The following CCL28 variants were observed in gnomAD, a reference collection of about 807,000 sequenced individuals.
The protein encoded by CCL28 is C-C motif chemokine ligand 28, also known as C-C motif chemokine 28.
CCL28 carries 4 observed loss-of-function variants against 7.1 expected under a neutral mutation model. That is an observed-to-expected ratio of 0.56 (90% CI 0.28 to 1.29). The LOEUF is 1.29. Ranked by LOEUF, CCL28 falls within the 50% of genes most tolerant of loss-of-function variation. CCL28 has a pLI of 0.11. For missense variants in CCL28, 151 were observed against 163.4 expected (o/e 0.92, Z 0.41); for synonymous variants, 55 against 57.8 (o/e 0.95, Z 0.22).
the CCL28 span, among the ~76,000 whole-genome samples, chr5:43,367,917 C>T: frequency 6.6e-6 from 1 of 152,208 alleles, no homozygotes; most frequent in African/African-American, 2.4e-5. Context: ...TGATATTTCC[C>T]ATACAAATCT....
the CCL28 span, among the ~76,000 whole-genome samples, chr5:43,357,913 C>T: frequency 2.6e-5 from 4 of 152,202 alleles, no homozygotes; most frequent in Non-Finnish European, 5.9e-5. Context: ...CCACCTCCAC[C>T]CAGGGCCCAA....
At chr5:43,408,907 T>TG (rs397816139) in intron 1 of CCL28, among the ~76,000 whole-genome samples, 4 of 151,104 alleles carry the variant, frequency 2.6e-5, no homozygotes, top group African/African-American at 9.7e-5. Context: ...TTTTTTTTTT[T>TG]GAAATGAGAG....
At chr5:43,357,534 G>A in the CCL28 span, among the ~76,000 whole-genome samples, 1 of 152,190 alleles carries the variant, frequency 6.6e-6, no homozygotes, top group Non-Finnish European at 1.5e-5. Context: ...GGAAGGTGAA[G>A]CAGAATGGGA....
chr5:43,367,353 C>T, the CCL28 span, among the ~76,000 whole-genome samples: 2 of 152,292 alleles, frequency 1.3e-5, no homozygotes, highest in South Asian at 4.1e-4. Context: ...AACCCAGGGC[C>T]CTGGTGACAT....
At chr5:43,359,870 C>A in the CCL28 span, among the ~76,000 whole-genome samples, 1 of 152,090 alleles carries the variant, frequency 6.6e-6, no homozygotes, top group East Asian at 1.9e-4. Context: ...TCCCATGGCC[C>A]CCACCTAGAG....
chr5:43,390,781 T>A (rs1740538667), intron 1 of CCL28, among the ~76,000 whole-genome samples: 1 of 152,176 alleles, frequency 6.6e-6, no homozygotes, highest in Admixed American at 6.5e-5. Context: ...ACCCACTATT[T>A]GAGAATTGTC....
At chr5:43,375,838 C>T (rs1047685935), downstream of CCL28, among the ~76,000 whole-genome samples, 23 of 145,646 alleles carry the variant, frequency 1.6e-4, no homozygotes, top group African/African-American at 5.7e-4. Flanking sequence ...GCCAACTACT[C>T]GGGAGGCTGA....
chr5:43,398,265 G>C (rs1214690703), intron 1 of CCL28, among the ~76,000 whole-genome samples: 1 of 152,082 alleles, frequency 6.6e-6, no homozygotes, highest in African/African-American at 2.4e-5. Flanking sequence ...ACCCAAGCTG[G>C]AGTGCTGGAG....
rs766576325 is a variant in CCL28 at position 43,381,892 on chromosome 5, G to A, written c.352C>T (p.His118Tyr). ...RNSNRAHQGKHETYGHKTPY is the reference protein window; with the variant it reads ...RNSNRAHQGKYETYGHKTPY ...GGAGTTTTATGGCCGTATGTTTCGT[G>A]TTTCCCCTGATGTGCCCTGTTACTG... Residue 118 changes from histidine to tyrosine, a missense_variant, in exon 3 of 3, where the codon CAC becomes TAC. His to Tyr is a moderately conservative substitution (Grantham distance 83). Transcript: ENST00000361115. 1.2e-5 allele frequency: 20 copies of A among 1,613,924 alleles called. No individual in the cohort carries two copies. The highest frequency in any genetic ancestry group is 1.7e-5 in the Non-Finnish European group (20 of 1,179,978).
At chr5:43,387,147 C>T (rs982514903) in intron 2 of CCL28, among the ~76,000 whole-genome samples, 1 of 152,174 alleles carries the variant, frequency 6.6e-6, no homozygotes, top group African/African-American at 2.4e-5. Context: ...GCCTGATACT[C>T]GGATGCAGTA....
chr5:43,374,025 G>A (rs1179800307), downstream of CCL28, among the ~76,000 whole-genome samples: 7 of 152,232 alleles, frequency 4.6e-5, no homozygotes, highest in Admixed American at 3.9e-4. Flanking sequence ...CCTAGGCCAG[G>A]TCTTGGCAGA....
At chr5:43,378,941 C>T (rs1168995502), downstream of CCL28, among the ~76,000 whole-genome samples, 2 of 151,878 alleles carry the variant, frequency 1.3e-5, no homozygotes, top group African/African-American at 4.8e-5. Context: ...AGCCTGGTGA[C>T]AGAGCAAGAC....
intron 1 of CCL28, among the ~76,000 whole-genome samples, chr5:43,391,459 AAACT>A (rs1740568425): frequency 6.6e-6 from 1 of 152,244 alleles, no homozygotes; most frequent in Non-Finnish European, 1.5e-5. Context: ...CAATTCACCT[AAACT>A]AATACTTCTG....
At chr5:43,367,364 A>T in the CCL28 span, among the ~76,000 whole-genome samples, 1 of 152,254 alleles carries the variant, frequency 6.6e-6, no homozygotes, top group East Asian at 1.9e-4. Context: ...CTGGTGACAT[A>T]AGCACCCAAG....
chr5:43,365,715 G>T, the CCL28 span, among the ~76,000 whole-genome samples: 5 of 152,176 alleles, frequency 3.3e-5, no homozygotes, highest in African/African-American at 1.2e-4. Context: ...GTCTTGCTAG[G>T]TTGGGCTAGT....
the CCL28 span, among the ~76,000 whole-genome samples, chr5:43,363,031 G>A: frequency 0.057 from 8,608 of 152,178 alleles, 525 homozygotes; most frequent in African/African-American, 0.16. Flanking sequence ...TATTTTTCCA[G>A]TCAATTCATT....
chr5:43,362,117 T>C, the CCL28 span, among the ~76,000 whole-genome samples: 2 of 152,214 alleles, frequency 1.3e-5, no homozygotes, highest in Non-Finnish European at 2.9e-5. Flanking sequence ...ATTTGTTCTT[T>C]CTAACCATAA....
At chr5:43,384,693 C>T (rs1365905663) in intron 2 of CCL28, among the ~76,000 whole-genome samples, 2 of 151,600 alleles carry the variant, frequency 1.3e-5, no homozygotes, top group Admixed American at 6.6e-5. Flanking sequence ...GTCTGATGGA[C>T]GTAAAGGGGT....
chr5:43,370,735 TTTCTCTCTC>T, the CCL28 span, among the ~76,000 whole-genome samples: 3 of 100,606 alleles, frequency 3.0e-5, no homozygotes, highest in African/African-American at 4.6e-5. Context: ...TTTATCTCTC[TTTCTCTCTC>T]TTTTTTTTTT....
Sources: gnomAD v4.1 joint callset for allele counts (sites outside exome capture counted in the v4.1 genomes callset) on GRCh38, gnomAD v4.1.1 for gene constraint, MANE v1.5 for transcripts, NCBI Gene and HGNC (gene_info 2026-07-23, HGNC 2026-07-21) for gene names.